XKR9: variants seen among roughly 807,000 people sequenced by gnomAD.
XKR9 encodes the protein XK-related protein 9.
A neutral mutation model predicts 32.0 loss-of-function variants in XKR9; 32 were observed. The observed-to-expected ratio is 1.00, with a 90% CI of 0.76 to 1.34. The LOEUF (loss-of-function observed/expected upper bound fraction) is 1.34. Among genes scored for constraint, XKR9 ranks in the 40% most tolerant of loss-of-function variants. XKR9 has a pLI of 0.00. For missense variants in XKR9, 546 were observed against 429.7 expected (o/e 1.27, Z -2.39); for synonymous variants, 168 against 143.4 (o/e 1.17, Z -1.22).
chr8:70,993,651 T>A, the XKR9 span, among the ~76,000 whole-genome samples: 36 of 124,216 alleles, frequency 2.9e-4, no homozygotes, highest in Admixed American at 5.7e-4. Context: ...CCTTCCTTCC[T>A]TCCTTCCTTC....
chr8:70,918,815 T>A, the XKR9 span, among the ~76,000 whole-genome samples: 1 of 132,142 alleles, frequency 7.6e-6, no homozygotes, highest in African/African-American at 2.9e-5. Flanking sequence ...TCTTGCTCTG[T>A]CGCCCAGGCT....
chr8:70,812,164 C>T, the XKR9 span, among the ~76,000 whole-genome samples: 1 of 152,152 alleles, frequency 6.6e-6, no homozygotes, highest in East Asian at 1.9e-4. Context: ...TGTAATCCAG[C>T]ATATAAACAG....
intron 2 of XKR9, among the ~76,000 whole-genome samples, chr8:70,775,801 G>T (rs1807510621): frequency 6.6e-6 from 1 of 150,946 alleles, no homozygotes; most frequent in South Asian, 2.1e-4. Context: ...CCAGACTACA[G>T]TGGCGCAATC....
chr8:70,959,068 A>G, the XKR9 span, among the ~76,000 whole-genome samples: 14 of 152,166 alleles, frequency 9.2e-5, no homozygotes, highest in Admixed American at 9.2e-4. Context: ...TACACTTTAA[A>G]ATGTATAACA....
At chr8:70,958,660 T>C in the XKR9 span, among the ~76,000 whole-genome samples, 1 of 152,232 alleles carries the variant, frequency 6.6e-6, no homozygotes, top group Non-Finnish European at 1.5e-5. Context: ...TTCACTCTAA[T>C]GATAGTTTCT....
chr8:70,723,793 C>G (rs1260553268), intron 4 of XKR9, among the ~76,000 whole-genome samples: 2 of 152,034 alleles, frequency 1.3e-5, no homozygotes, highest in African/African-American at 4.8e-5. Context: ...GCACAGGAGT[C>G]AGGGACCCAC....
the XKR9 span, among the ~76,000 whole-genome samples, chr8:70,972,189 A>G: frequency 2.0e-5 from 3 of 152,044 alleles, no homozygotes; most frequent in Non-Finnish European, 4.4e-5. Flanking sequence ...GGTTAGGTAT[A>G]TTCCTAAGTA....
At chr8:70,766,773 C>G (rs1563473572) in intron 2 of XKR9, among the ~76,000 whole-genome samples, 1 of 152,176 alleles carries the variant, frequency 6.6e-6, no homozygotes, top group South Asian at 2.1e-4. Context: ...TATGTTCCAT[C>G]AATACCTAGT....
intron 2 of XKR9, among the ~76,000 whole-genome samples, chr8:70,760,630 A>G (rs957432777): frequency 7.2e-5 from 11 of 152,162 alleles, no homozygotes; most frequent in Admixed American, 2.0e-4. Context: ...TGCCTGGCAC[A>G]TTTTAGCCAT....
chr8:70,828,585 G>T, the XKR9 span, among the ~76,000 whole-genome samples: 1 of 152,188 alleles, frequency 6.6e-6, no homozygotes, highest in East Asian at 1.9e-4. Context: ...TTAGCCAGGT[G>T]CAGTGGCACG....
chr8:71,061,750 G>A, the XKR9 span, among the ~76,000 whole-genome samples: 7 of 152,174 alleles, frequency 4.6e-5, no homozygotes, highest in African/African-American at 1.7e-4. Flanking sequence ...AGCCACCCAG[G>A]AGAGCCATTG....
the XKR9 span, among the ~76,000 whole-genome samples, chr8:70,807,217 G>C: frequency 1.5e-4 from 23 of 152,258 alleles, no homozygotes; most frequent in African/African-American, 5.5e-4. Context: ...CAAATGCTGA[G>C]AGATTTCATT....
intron 4 of XKR9, among the ~76,000 whole-genome samples, chr8:70,709,986 A>C (rs1354441005): frequency 1.3e-5 from 2 of 152,232 alleles, no homozygotes; most frequent in African/African-American, 4.8e-5. Context: ...TAGCCAAAGC[A>C]ATCCTAAGCA....
At chr8:70,996,645 A>C in the XKR9 span, among the ~76,000 whole-genome samples, 1 of 152,232 alleles carries the variant, frequency 6.6e-6, no homozygotes, top group Non-Finnish European at 1.5e-5. Context: ...CCATCATAAC[A>C]TTGCAGAGTT....
chr8:70,865,136 G>C, the XKR9 span, among the ~76,000 whole-genome samples: 9 of 152,140 alleles, frequency 5.9e-5, no homozygotes, highest in East Asian at 1.7e-3. Flanking sequence ...GGGGTTGAAT[G>C]CTTTTGTTAG....
At chr8:70,829,148 C>G in the XKR9 span, among the ~76,000 whole-genome samples, 74 of 152,226 alleles carry the variant, frequency 4.9e-4, no homozygotes, top group African/African-American at 1.7e-3. Flanking sequence ...TGTCCAAGTG[C>G]CTGAACTCAA....
At chr8:70,931,333 G>C in the XKR9 span, among the ~76,000 whole-genome samples, 1 of 152,238 alleles carries the variant, frequency 6.6e-6, no homozygotes, top group Admixed American at 6.5e-5. Context: ...TTCTAAGGTG[G>C]CTGGATATGT....
chr8:70,689,245 A>G (rs977165537), intron 3 of XKR9, among the ~76,000 whole-genome samples: 3 of 152,040 alleles, frequency 2.0e-5, no homozygotes, highest in Non-Finnish European at 4.4e-5. Context: ...CTTAAGTTGT[A>G]TAAAAGATGC....
At chr8:70,929,868 G>A in the XKR9 span, among the ~76,000 whole-genome samples, 1 of 152,116 alleles carries the variant, frequency 6.6e-6, no homozygotes, top group African/African-American at 2.4e-5. Flanking sequence ...AACTCACTTG[G>A]GGCTTTAACT....
Sources: allele counts gnomAD v4.1 joint callset (sites outside exome capture counted in the v4.1 genomes callset), GRCh38; gene constraint gnomAD v4.1.1; transcripts MANE v1.5; gene names NCBI Gene and HGNC (gene_info 2026-07-23, HGNC 2026-07-21).